Variants in DOCK2 observed in about 807,000 individuals in gnomAD.
DOCK2 encodes the protein dedicator of cytokinesis protein 2.
DOCK2 carries 87 observed loss-of-function variants against 248.9 expected under a neutral mutation model. The ratio of observed to expected loss-of-function variants is 0.35; its 90% CI spans 0.29 to 0.42. The LOEUF (loss-of-function observed/expected upper bound fraction) is 0.42. Ranked by LOEUF, DOCK2 falls within the 10% of genes least tolerant of loss-of-function variation. DOCK2 has a pLI of 1.00. For missense variants in DOCK2, 1,747 were observed against 2,300.2 expected, an observed-to-expected ratio of 0.76 and a Z score of 4.92; for synonymous variants, 805 against 821.6, an observed-to-expected ratio of 0.98 and a Z score of 0.35.
At chr5:169,927,648 G>A (rs1044105024) in intron 27 of DOCK2, among the ~76,000 whole-genome samples, 1 of 152,198 alleles carries the variant, frequency 6.6e-6, no homozygotes, top group African/African-American at 2.4e-5. Flanking sequence ...ACGGAGTCTC[G>A]CTCTGTCGCC....
At chr5:169,800,842 C>G (rs1394378478) in intron 25 of DOCK2, among the ~76,000 whole-genome samples, 1 of 151,944 alleles carries the variant, frequency 6.6e-6, no homozygotes, top group African/African-American at 2.4e-5. Context: ...GGGGACTCAG[C>G]ATGTGCCCCT....
intron 27 of DOCK2, among the ~76,000 whole-genome samples, chr5:169,892,132 C>T (rs1340860540): frequency 2.0e-5 from 3 of 152,054 alleles, no homozygotes; most frequent in Non-Finnish European, 4.4e-5. Context: ...CTTCCAAATC[C>T]AAGCTTAAGC....
rs371649588 is a variant in DOCK2 at position 170,067,516 on chromosome 5, A to G, written c.4474A>G (p.Ile1492Val). 25 of 1,613,888 alleles carry G rather than the reference A, an allele frequency of 1.5e-5. No homozygotes were observed. Among genetic ancestry groups the G allele is most frequent in the African/African-American group, 1.2e-4 (9 of 74,914 alleles). Reference protein sequence around the residue: ...FEVVHMSQTTISPLENAIETM... With the variant: ...FEVVHMSQTTVSPLENAIETM... ...GTGATCTCATTTTCAACAGACCACA[A>G]TTAGTCCTCTGGAGAATGCCATAGA... Residue 1492 changes from isoleucine to valine, a missense_variant, in exon 45 of 52, where the codon ATT becomes GTT. Coordinates refer to ENST00000520908, the MANE Select transcript of DOCK2 (RefSeq NM_004946.3).
intron 27 of DOCK2, among the ~76,000 whole-genome samples, chr5:169,853,804 CTT>C (rs67124138): frequency 1.2e-4 from 7 of 56,850 alleles, no homozygotes; most frequent in Non-Finnish European, 1.8e-4. Flanking sequence ...GGAAAAACAA[CTT>C]TTTTTTTTTT....
intron 25 of DOCK2, among the ~76,000 whole-genome samples, chr5:169,783,774 A>T (rs1469396204): frequency 6.6e-6 from 1 of 152,250 alleles, no homozygotes; most frequent in African/African-American, 2.4e-5. Context: ...CTTACAAAGT[A>T]GGTTGTTATC....
In DOCK2 at chr5:169,702,404, G is replaced by A. The variant is rs114888195; in HGVS notation, c.1360G>A (p.Ala454Thr). ...TGTGGAAGTCATCATGTGTGTGTGC[G>A]CGGAGGATGGCAAAACGCTGCCTGT... ...RNVEVIMCVC[A>T]EDGKTLPNAI... is the part of the protein sequence containing the mutation. The change falls in exon 14 of 52, where the codon GCG becomes ACG. Residue 454 changes from alanine (A) to threonine (T), a missense_variant. Transcript: ENST00000520908. The A allele has an allele frequency of 4.1e-4, 657 of 1,613,862 alleles. 4 individuals are homozygous for A. The African/African-American group carries it at 7.2e-3, about 18-fold the overall frequency.
intron 46 of DOCK2, among the ~76,000 whole-genome samples, chr5:170,072,536 C>G (rs539284734): frequency 6.6e-6 from 1 of 152,196 alleles, no homozygotes; most frequent in Non-Finnish European, 1.5e-5. Flanking sequence ...ACCCAGTTCC[C>G]TCAGTATACA....
intron 6 of DOCK2, among the ~76,000 whole-genome samples, chr5:169,676,761 G>T (rs1759356957): frequency 6.6e-6 from 1 of 152,186 alleles, no homozygotes; most frequent in Non-Finnish European, 1.5e-5. Flanking sequence ...GGAGTGATCA[G>T]AATGAGCTTG....
intron 26 of DOCK2, among the ~76,000 whole-genome samples, chr5:169,821,791 G>A (rs1205286866): frequency 5.3e-5 from 8 of 152,136 alleles, no homozygotes; most frequent in Non-Finnish European, 1.2e-4. Context: ...ATGTAAATGG[G>A]CTAAATGCTC....
chr5:170,061,378 C>G (rs764034499), intron 44 of DOCK2, among the ~76,000 whole-genome samples: 89 of 152,208 alleles, frequency 5.8e-4, no homozygotes, highest in Non-Finnish European at 2.5e-4. Context: ...CAGCTCTGCC[C>G]CGTGGCTCAG....
At chr5:169,872,380 C>G (rs1398036658) in intron 27 of DOCK2, among the ~76,000 whole-genome samples, 1 of 152,226 alleles carries the variant, frequency 6.6e-6, no homozygotes, top group Non-Finnish European at 1.5e-5. Flanking sequence ...ATGTTTTTCT[C>G]TCCCCAGCCT....
intron 27 of DOCK2, among the ~76,000 whole-genome samples, chr5:169,867,470 C>T (rs1421428273): frequency 2.6e-5 from 4 of 151,730 alleles, no homozygotes; most frequent in African/African-American, 9.7e-5. Context: ...TCTATTGATC[C>T]ATCCATCTAT....
intron 27 of DOCK2, among the ~76,000 whole-genome samples, chr5:169,842,229 G>A (rs1006925924): frequency 2.0e-5 from 3 of 152,208 alleles, no homozygotes; most frequent in Non-Finnish European, 4.4e-5. Context: ...ACACAGTGGT[G>A]ACATCCGTGG....
chr5:169,910,573 G>A (rs1044730029), intron 27 of DOCK2, among the ~76,000 whole-genome samples: 12 of 152,036 alleles, frequency 7.9e-5, no homozygotes, highest in African/African-American at 2.2e-4. Flanking sequence ...GAGCTCCTCC[G>A]AGGTTCACTG....
At chr5:169,776,398 C>T (rs770737103) in intron 25 of DOCK2, among the ~76,000 whole-genome samples, 1 of 152,006 alleles carries the variant, frequency 6.6e-6, no homozygotes, top group Non-Finnish European at 1.5e-5. Context: ...TTCCTAGCCT[C>T]AAGTGATTCT....
At position 169,804,189 on chromosome 5, in the gene DOCK2, T is replaced by C. The variant is rs139983457; in HGVS notation, c.2703+983T>C. Among the ~76,000 whole-genome samples the C allele has an allele frequency of 1.1e-3, 171 of 152,318 alleles. 1 individual carries two copies. Among genetic ancestry groups the C allele is most frequent in the African/African-American group, 3.9e-3 (164 of 41,562 alleles). ...AATGTTCCTTTACTGGTCAGATCCATAGTCAACCATTATGATCAATTTCCT... is the reference window on the plus strand; with the variant it reads ...AATGTTCCTTTACTGGTCAGATCCACAGTCAACCATTATGATCAATTTCCT... On this transcript the variant is annotated intron_variant, in intron 26 of 51. Coordinates refer to ENST00000520908, the MANE Select transcript of DOCK2 (RefSeq NM_004946.3).
Position 169,736,886 on chromosome 5 carries a change from T to A in DOCK2, c.2268-10510T>A, listed in dbSNP as rs140611737. On this transcript the variant is annotated intron_variant, in intron 22 of 51. Transcript: ENST00000520908. The stretch of plus-strand genomic sequence containing the variant: ...TCTAGTGGTAGAACTTTGGTTTGCA[T>A]TAGTAATCACATGTTTATCCAACAC... 1.1e-4 allele frequency among the ~76,000 whole-genome samples: 16 copies of A among 152,302 alleles called. No homozygotes were observed. In the East Asian group the frequency reaches 2.9e-3, roughly 28 times the overall value.
At chr5:169,988,713 T>C (rs1203602933) in intron 29 of DOCK2, among the ~76,000 whole-genome samples, 1 of 152,140 alleles carries the variant, frequency 6.6e-6, no homozygotes, top group Admixed American at 6.5e-5. Context: ...AGTTTCTCCC[T>C]GTTGGTCAGG....
At chr5:169,825,438 C>T (rs1768780650) in intron 26 of DOCK2, among the ~76,000 whole-genome samples, 1 of 150,708 alleles carries the variant, frequency 6.6e-6, no homozygotes, top group Non-Finnish European at 1.5e-5. Flanking sequence ...TACTATGCAG[C>T]CATAGAAAAT....
Sources: allele counts gnomAD v4.1 joint callset (sites outside exome capture counted in the v4.1 genomes callset), GRCh38; gene constraint gnomAD v4.1.1; transcripts MANE v1.5; gene names NCBI Gene and HGNC (gene_info 2026-07-23, HGNC 2026-07-21).